The following TRPM3 variants were observed in gnomAD, a reference collection of about 807,000 sequenced individuals.
TRPM3 encodes the protein transient receptor potential cation channel subfamily M member 3, also known as long transient receptor potential channel 3.
Under a neutral mutation model 181.2 loss-of-function variants are expected in TRPM3, and 77 were observed. That is an observed-to-expected ratio of 0.42 (90% CI 0.35 to 0.51). The LOEUF is 0.51. TRPM3 is among the 20% of genes least tolerant of loss of function. The pLI is 0.01. For missense variants in TRPM3, 1,759 were observed against 2,196.7 expected, an observed-to-expected ratio of 0.80 and a Z score of 3.98; for synonymous variants, 745 against 796.4, an observed-to-expected ratio of 0.94 and a Z score of 1.09.
intron 1 of TRPM3, among the ~76,000 whole-genome samples, chr9:71,331,167 C>A (rs191208312): frequency 6.6e-6 from 1 of 151,730 alleles, no homozygotes; most frequent in South Asian, 2.1e-4. Context: ...AATTATACCA[C>A]AATAAAAATA....
chr9:70,552,177 AG>A (rs1198482866), intron 24 of TRPM3, among the ~76,000 whole-genome samples: 1 of 152,162 alleles, frequency 6.6e-6, no homozygotes, highest in African/African-American at 2.4e-5. Flanking sequence ...TGGTACCCAA[AG>A]GGTATTTAGG....
intron 1 of TRPM3, among the ~76,000 whole-genome samples, chr9:71,215,100 A>G (rs1201033437): frequency 2.0e-5 from 3 of 151,934 alleles, no homozygotes; most frequent in African/African-American, 7.2e-5. Context: ...AGGGCAGGGA[A>G]AATGTTCTAC....
At chr9:70,913,388 T>A (rs79857708) in intron 1 of TRPM3, among the ~76,000 whole-genome samples, 2 of 152,170 alleles carry the variant, frequency 1.3e-5, no homozygotes, top group Non-Finnish European at 2.9e-5. Context: ...TTTCATTGCA[T>A]TGGCCAGGAT....
chr9:71,005,397 A>T (rs1329509486), intron 1 of TRPM3, among the ~76,000 whole-genome samples: 1 of 151,578 alleles, frequency 6.6e-6, no homozygotes, highest in Non-Finnish European at 1.5e-5. Context: ...CTAGAGTGAA[A>T]CTCCATGTCA....
chr9:70,971,323 G>T (rs2097242965), intron 1 of TRPM3, among the ~76,000 whole-genome samples: 1 of 152,036 alleles, frequency 6.6e-6, no homozygotes, highest in Non-Finnish European at 1.5e-5. Flanking sequence ...GCAGCATATT[G>T]AAATAGCTGA....
Position 70,549,679 on chromosome 9 carries a change from GGA to G in TRPM3, c.3575-7_3575-6del. 6.4e-7 allele frequency: 1 copy of G among 1,564,362 alleles called. No homozygotes were observed. Among genetic ancestry groups the G allele is most frequent in the Admixed American group, 2.0e-5 (1 of 51,098 alleles). On this transcript the variant is annotated splice_region_variant and splice_polypyrimidine_tract_variant and intron_variant, in intron 24 of 25. Coordinates refer to ENST00000677713, the MANE Select transcript of TRPM3 (RefSeq NM_001366145.2). ...CATCATCGGTTATGAAGAGTTCTGT[GGA>G]AAAAAAAAAAAAGGAAGTCTTGAGG...
chr9:70,855,718 AG>A (rs2095368383), intron 3 of TRPM3, among the ~76,000 whole-genome samples: 1 of 152,168 alleles, frequency 6.6e-6, no homozygotes, highest in Admixed American at 6.6e-5. Flanking sequence ...AACTCTTTGT[AG>A]GTACCTTTAA....
In TRPM3 at chr9:71,364,231, G is replaced by C. The variant is rs116767524; in HGVS notation, c.183+82422C>G. Among the ~76,000 whole-genome samples the C allele has an allele frequency of 5.2e-3, 795 of 151,888 alleles. 9 individuals carry two copies. The highest frequency in any genetic ancestry group is 0.019 in the African/African-American group (767 of 41,414). On this transcript the variant is annotated intron_variant, in intron 1 of 24. Coordinates refer to the TRPM3 transcript ENST00000357533. Reference sequence around the variant, plus strand: ...AAAAAAAAAATCACTGTTATTCTCGGGGAAGCCTTAATATTTTTATTCGCC... The same window carrying C: ...AAAAAAAAAATCACTGTTATTCTCGCGGAAGCCTTAATATTTTTATTCGCC...
chr9:70,784,093 A>G lies in TRPM3; in HGVS notation c.1148+12T>C. ...TTTAGGGTTCTTCCATGGGGCCTGG[A>G]AAGTTACCTACCCGCCTTCTTCTGA... On this transcript the variant is annotated intron_variant, in intron 7 of 25. Transcript: ENST00000677713. 1 of 1,610,996 alleles carries G rather than the reference A, an allele frequency of 6.2e-7. No individual in the cohort carries two copies. The highest frequency in any genetic ancestry group is 8.5e-7 in the Non-Finnish European group (1 of 1,178,202).
At chr9:70,748,564 G>A (rs1164795801) in intron 8 of TRPM3, among the ~76,000 whole-genome samples, 1 of 152,160 alleles carries the variant, frequency 6.6e-6, no homozygotes, top group African/African-American at 2.4e-5. Flanking sequence ...CCTTTGAGAA[G>A]TGATTAGGTC....
At chr9:70,821,857 C>T (rs994931777) in intron 6 of TRPM3, among the ~76,000 whole-genome samples, 2 of 152,198 alleles carry the variant, frequency 1.3e-5, no homozygotes, top group African/African-American at 4.8e-5. Context: ...GATGCCTATT[C>T]TACCACTGTA....
intron 8 of TRPM3, among the ~76,000 whole-genome samples, chr9:70,756,038 C>T (rs916788261): frequency 5.3e-5 from 8 of 151,862 alleles, no homozygotes; most frequent in Admixed American, 2.6e-4. Context: ...TGAGACTCAT[C>T]GGTATGCTGT....
chr9:71,287,241 G>A (rs2085378277), intron 1 of TRPM3, among the ~76,000 whole-genome samples: 2 of 151,136 alleles, frequency 1.3e-5, no homozygotes, highest in Admixed American at 1.3e-4. Flanking sequence ...AATACATTGT[G>A]TAAGAGAAAC....
chr9:70,899,190 T>C (rs1287351052), intron 1 of TRPM3, among the ~76,000 whole-genome samples: 1 of 152,152 alleles, frequency 6.6e-6, no homozygotes, highest in Admixed American at 6.5e-5. Context: ...AGATTTCAGT[T>C]TATAGAGTAA....
At chr9:71,247,044 A>C (rs952584698) in intron 1 of TRPM3, among the ~76,000 whole-genome samples, 9 of 152,310 alleles carry the variant, frequency 5.9e-5, no homozygotes, top group African/African-American at 2.2e-4. Flanking sequence ...AAAGGACAAC[A>C]GTGGCAGTGG....
chr9:70,621,567 A>G (rs997730158), intron 14 of TRPM3, among the ~76,000 whole-genome samples: 2 of 152,040 alleles, frequency 1.3e-5, no homozygotes, highest in Non-Finnish European at 2.9e-5. Flanking sequence ...GGGTCTCACT[A>G]TGTTGCCAGG....
At chr9:71,338,311 C>T (rs1250882701) in intron 1 of TRPM3, among the ~76,000 whole-genome samples, 1 of 152,106 alleles carries the variant, frequency 6.6e-6, no homozygotes, top group Admixed American at 6.6e-5. Context: ...AGATGATCTG[C>T]CAGTAATTTA....
At chr9:71,445,213 C>T (rs1372824025) in intron 1 of TRPM3, among the ~76,000 whole-genome samples, 1 of 152,110 alleles carries the variant, frequency 6.6e-6, no homozygotes, top group Non-Finnish European at 1.5e-5. Context: ...ATAAAAAATG[C>T]AGCATAAGAA....
chr9:71,195,317 A>G (rs968074993), intron 1 of TRPM3, among the ~76,000 whole-genome samples: 1 of 152,126 alleles, frequency 6.6e-6, no homozygotes, highest in Non-Finnish European at 1.5e-5. Context: ...AGAAAAAAAC[A>G]TAAAAAAGCA....
Sources: gnomAD v4.1 joint callset for allele counts (sites outside exome capture counted in the v4.1 genomes callset) on GRCh38, gnomAD v4.1.1 for gene constraint, MANE v1.5 for transcripts, NCBI Gene and HGNC (gene_info 2026-07-23, HGNC 2026-07-21) for gene names.